Variants in EFCAB6 observed in about 807,000 individuals in gnomAD.
EFCAB6 encodes the protein EF-hand calcium binding domain 6.
In EFCAB6, 156 loss-of-function variants were observed where a neutral mutation model predicts 169.8. The observed-to-expected ratio is 0.92, with a 90% CI of 0.81 to 1.05. The LOEUF is 1.05. Among genes scored for constraint, EFCAB6 ranks in the 50% least tolerant of loss-of-function variants. EFCAB6 has a pLI of 0.00. For synonymous variants in EFCAB6, 698 were observed against 676.4 expected (o/e 1.03, Z -0.50); for missense variants, 1,800 against 1,829.1 (o/e 0.98, Z 0.29).
intron 13 of EFCAB6, among the ~76,000 whole-genome samples, chr22:43,676,762 CAAG>C (rs965945586): frequency 6.6e-6 from 1 of 152,118 alleles, no homozygotes; most frequent in Non-Finnish European, 1.5e-5. Context: ...CATTTTAAAC[CAAG>C]AAGTATGCCA....
intron 10 of EFCAB6, among the ~76,000 whole-genome samples, chr22:43,710,450 A>G (rs1169294495): frequency 6.6e-6 from 1 of 152,248 alleles, no homozygotes; most frequent in Non-Finnish European, 1.5e-5. Context: ...AGAAAAAATC[A>G]TTAAGAAAAT....
intron 13 of EFCAB6, among the ~76,000 whole-genome samples, chr22:43,676,430 A>AT (rs2057765316): frequency 6.6e-6 from 1 of 151,920 alleles, no homozygotes; most frequent in African/African-American, 2.4e-5. Flanking sequence ...AAAAAAAAAA[A>AT]AAAAAAAGAA....
At chr22:43,721,533 G>C (rs996184226) in intron 8 of EFCAB6, among the ~76,000 whole-genome samples, 2 of 152,106 alleles carry the variant, frequency 1.3e-5, no homozygotes, top group African/African-American at 4.8e-5. Context: ...CATGACACTA[G>C]TACAAAAACA....
chr22:43,635,261 G>C (rs1277813888), intron 17 of EFCAB6, 45 bp from the exon 18 acceptor site: 2 of 1,389,796 alleles, frequency 1.4e-6, no homozygotes, highest in Non-Finnish European at 2.0e-6. Flanking sequence ...TAGGTGGTCC[G>C]CGGGTCACTA....
At chr22:43,626,209 T>A (rs1172473134) in intron 20 of EFCAB6, among the ~76,000 whole-genome samples, 1 of 152,198 alleles carries the variant, frequency 6.6e-6, no homozygotes, top group Non-Finnish European at 1.5e-5. Context: ...GAAAAAAGAC[T>A]GAAATGATAC....
chr22:43,707,824 T>A (rs905433459), intron 10 of EFCAB6, among the ~76,000 whole-genome samples: 1 of 151,992 alleles, frequency 6.6e-6, no homozygotes, highest in Non-Finnish European at 1.5e-5. Flanking sequence ...AAACTGGTAA[T>A]CATGGGAAAA....
chr22:43,622,457 T>C (rs1028586253), intron 20 of EFCAB6, among the ~76,000 whole-genome samples: 2 of 152,084 alleles, frequency 1.3e-5, no homozygotes, highest in East Asian at 1.9e-4. Context: ...TTCCAGTTAC[T>C]TGGGAGTCTG....
At chr22:43,802,600 T>A in intron 2 of EFCAB6, 1 of 453,326 alleles carries the variant, frequency 2.2e-6, no homozygotes, top group Non-Finnish European at 4.3e-6. Flanking sequence ...CTGCTAAACC[T>A]GCTCCTCCAA....
intron 25 of EFCAB6, among the ~76,000 whole-genome samples, chr22:43,578,751 C>T (rs772470992): frequency 7.9e-5 from 12 of 151,874 alleles, no homozygotes; most frequent in Non-Finnish European, 1.8e-4. Context: ...TACACACAGG[C>T]ATTATTCCCT....
chr22:43,642,008 T>G (rs939245092), intron 17 of EFCAB6, among the ~76,000 whole-genome samples: 3 of 151,752 alleles, frequency 2.0e-5, no homozygotes, highest in Non-Finnish European at 4.4e-5. Flanking sequence ...TGGCACAATC[T>G]TGGCTCACCA....
At chr22:43,725,352 G>T (rs1054735122) in intron 8 of EFCAB6, among the ~76,000 whole-genome samples, 6 of 152,110 alleles carry the variant, frequency 3.9e-5, no homozygotes, top group Non-Finnish European at 7.4e-5. Context: ...TGTTAGTCAG[G>T]CTGGTCTTGA....
Position 43,655,000 on chromosome 22 carries a change from A to G in EFCAB6, c.1983+12104T>C, listed in dbSNP as rs932545144. Among the ~76,000 whole-genome samples the G allele has an allele frequency of 2.0e-5, 3 of 152,300 alleles. No individual in the cohort carries two copies. The South Asian group carries it at 6.2e-4, about 32-fold the overall frequency. On this transcript the variant is annotated intron_variant, in intron 17 of 31. Coordinates refer to ENST00000262726, the MANE Select transcript of EFCAB6 (RefSeq NM_022785.4). ...AGGCCAGGCGCTGTGGCTCACACCT[A>G]TAATCTTAGCACTTTGGGAGGCTGA... is the stretch of plus-strand genomic sequence containing the variant.
chr22:43,637,241 C>T (rs1371733912), intron 17 of EFCAB6, among the ~76,000 whole-genome samples: 1 of 152,154 alleles, frequency 6.6e-6, no homozygotes, highest in Non-Finnish European at 1.5e-5. Flanking sequence ...GCTTTCTGCC[C>T]GGCCCCTCAC....
At chr22:43,533,027 G>A (rs1304091679) in intron 30 of EFCAB6, among the ~76,000 whole-genome samples, 2 of 152,230 alleles carry the variant, frequency 1.3e-5, no homozygotes, top group African/African-American at 4.8e-5. Context: ...TGTTTTGGAA[G>A]GGCTGGAGCT....
chr22:43,784,456 C>A (rs2061937164), intron 2 of EFCAB6, among the ~76,000 whole-genome samples: 1 of 145,928 alleles, frequency 6.9e-6, no homozygotes, highest in African/African-American at 2.5e-5. Flanking sequence ...ATCAAGACCA[C>A]CCTGGGCAAC....
At chr22:43,658,973 G>A (rs1036268805) in intron 17 of EFCAB6, among the ~76,000 whole-genome samples, 8 of 152,220 alleles carry the variant, frequency 5.3e-5, no homozygotes, top group African/African-American at 1.9e-4. Flanking sequence ...CCTGAACAAG[G>A]ATGGAGAACC....
chr22:43,637,943 C>T (rs773989225), intron 17 of EFCAB6, among the ~76,000 whole-genome samples: 7 of 152,324 alleles, frequency 4.6e-5, no homozygotes, highest in South Asian at 2.1e-4. Context: ...TGTACTGGAT[C>T]GTAAGGAAAT....
At chr22:43,752,106 TCTC>T (rs2060791021) in intron 6 of EFCAB6, among the ~76,000 whole-genome samples, 1 of 143,566 alleles carries the variant, frequency 7.0e-6, no homozygotes, top group Non-Finnish European at 1.5e-5. Context: ...TCTAACCACT[TCTC>T]CTTTCCATTT....
chr22:43,609,559 A>C (rs1033598182), intron 21 of EFCAB6, among the ~76,000 whole-genome samples: 1 of 152,230 alleles, frequency 6.6e-6, no homozygotes, highest in African/African-American at 2.4e-5. Context: ...TTACAAAAGG[A>C]ATCAAAAATA....
Sources: allele counts gnomAD v4.1 joint callset (sites outside exome capture counted in the v4.1 genomes callset), GRCh38; gene constraint gnomAD v4.1.1; transcripts MANE v1.5; gene names NCBI Gene and HGNC (gene_info 2026-07-23, HGNC 2026-07-21).